The following TAFA2 variants were observed in gnomAD, a reference collection of about 807,000 sequenced individuals.
TAFA2 encodes the protein TAFA chemokine like family member 2, also known as chemokine-like protein TAFA-2.
TAFA2 carries 7 observed loss-of-function variants against 18.8 expected under a neutral mutation model. The observed-to-expected ratio is 0.37, with a 90% CI of 0.21 to 0.70. TAFA2 has a LOEUF of 0.70. Among genes scored for constraint, TAFA2 ranks in the 30% least tolerant of loss-of-function variants. TAFA2 has a pLI of 0.53. For missense variants in TAFA2, 122 were observed against 158.1 expected, an observed-to-expected ratio of 0.77 and a Z score of 1.23; for synonymous variants, 60 against 54.2, an observed-to-expected ratio of 1.11 and a Z score of -0.47.
chr12:61,898,369 C>T (rs1414082896), intron 1 of TAFA2, among the ~76,000 whole-genome samples: 1 of 152,250 alleles, frequency 6.6e-6, no homozygotes, highest in Non-Finnish European at 1.5e-5. Flanking sequence ...TCCAACCCCA[C>T]ATTTCCCTTC....
chr12:62,056,897 A>C (rs2136782361), intron 1 of TAFA2, among the ~76,000 whole-genome samples: 1 of 152,334 alleles, frequency 6.6e-6, no homozygotes, highest in South Asian at 2.1e-4. Context: ...CGTTAGGATA[A>C]AGTTAGCTAG....
intron 1 of TAFA2, chr12:62,136,046 T>C (rs960549881): frequency 6.6e-6 from 1 of 152,142 alleles, no homozygotes; most frequent in South Asian, 2.1e-4. Context: ...CTTAGATGGT[T>C]ATTTTGCATG....
Position 62,041,739 on chromosome 12 carries a change from A to ACAG in TAFA2, c.-2+149519_-2+149520insCTG, listed in dbSNP as rs751146211. Reference sequence around the variant, plus strand: ...ACATAAACCATAGGTACATTACAATATAGAATCTAAGTGCTTTTATTAACA... The same window carrying ACAG: ...ACATAAACCATAGGTACATTACAATACAGTAGAATCTAAGTGCTTTTATTAACA... On this transcript the variant is annotated intron_variant, in intron 1 of 4. Coordinates refer to ENST00000416284, the MANE Select transcript of TAFA2 (RefSeq NM_178539.5). Among the ~76,000 whole-genome samples the ACAG allele has an allele frequency of 6.2e-3, 940 of 152,256 alleles. 12 individuals carry two copies. Among genetic ancestry groups the ACAG allele is most frequent in the Non-Finnish European group, 7.8e-3 (532 of 68,006 alleles).
At chr12:62,231,629 T>A (rs1337502142) in intron 1 of TAFA2, among the ~76,000 whole-genome samples, 2 of 152,214 alleles carry the variant, frequency 1.3e-5, no homozygotes, top group African/African-American at 4.8e-5. Context: ...TTTGTTTTTT[T>A]TAACAAAATT....
At chr12:61,759,939 G>A (rs536863020) in intron 2 of TAFA2, among the ~76,000 whole-genome samples, 132 of 152,062 alleles carry the variant, frequency 8.7e-4, no homozygotes, top group Admixed American at 1.3e-3. Context: ...TGATCACAGG[G>A]CACAATGGAG....
chr12:61,736,389 A>G (rs1235708019), intron 4 of TAFA2, among the ~76,000 whole-genome samples: 3 of 152,040 alleles, frequency 2.0e-5, no homozygotes, highest in Non-Finnish European at 4.4e-5. Context: ...CACCTGATCT[A>G]TTACTAAAAC....
chr12:61,721,773 T>C (rs797005808), intron 4 of TAFA2, among the ~76,000 whole-genome samples: 2 of 152,178 alleles, frequency 1.3e-5, no homozygotes, highest in African/African-American at 4.8e-5. Flanking sequence ...CTGACCAACA[T>C]GGTGAAACCC....
chr12:61,885,035 T>C (rs1269544171), intron 1 of TAFA2, among the ~76,000 whole-genome samples: 1 of 151,690 alleles, frequency 6.6e-6, no homozygotes, highest in Non-Finnish European at 1.5e-5. Context: ...TAGAGTTTCT[T>C]ATTTTTACAA....
chr12:61,717,584 A>C (rs1227801247), intron 4 of TAFA2, among the ~76,000 whole-genome samples: 5 of 152,206 alleles, frequency 3.3e-5, no homozygotes. Flanking sequence ...AGGACCTTGA[A>C]CTATACTCAG....
chr12:61,879,866 G>T, intron 1 of TAFA2: 1 of 960,618 alleles, frequency 1.0e-6, no homozygotes. Flanking sequence ...GTACCATGAT[G>T]AGATCAATAA....
At chr12:62,142,470 C>T (rs2062246756) in intron 1 of TAFA2, among the ~76,000 whole-genome samples, 1 of 152,110 alleles carries the variant, frequency 6.6e-6, no homozygotes, top group African/African-American at 2.4e-5. Flanking sequence ...CAGATCATGG[C>T]ACTGTAATGT....
chr12:62,212,686 A>T (rs1052503028), intron 1 of TAFA2, among the ~76,000 whole-genome samples: 2 of 152,204 alleles, frequency 1.3e-5, no homozygotes, highest in South Asian at 2.1e-4. Context: ...TGCTCTGCCG[A>T]AAAAAGGTAC....
At chr12:62,174,086 G>A (rs1179083609) in intron 1 of TAFA2, among the ~76,000 whole-genome samples, 1 of 152,168 alleles carries the variant, frequency 6.6e-6, no homozygotes, top group African/African-American at 2.4e-5. Context: ...GAGGCCAGGA[G>A]TTCAAGACCA....
chr12:61,767,955 A>G (rs529293654), intron 2 of TAFA2, among the ~76,000 whole-genome samples: 1 of 152,260 alleles, frequency 6.6e-6, no homozygotes, highest in Admixed American at 6.5e-5. Context: ...TTATGATGTG[A>G]AACTCAAATT....
chr12:62,056,888 G>T (rs944272951), intron 1 of TAFA2, among the ~76,000 whole-genome samples: 5 of 152,192 alleles, frequency 3.3e-5, no homozygotes, highest in Admixed American at 2.0e-4. Flanking sequence ...CTAATCTGTC[G>T]TTAGGATAAA....
chr12:61,827,346 A>C lies in TAFA2; in HGVS notation c.106+39974T>G, dbSNP rs527379576. ...GAAGTATTACTTTGGATCTTAAGTC[A>C]TGTTGCTGAACTTATAGCCATGTGA... On this transcript the variant is annotated intron_variant, in intron 2 of 4. Transcript: ENST00000416284. 14 of 152,162 alleles carry C rather than the reference A, an allele frequency of 9.2e-5. No homozygotes were observed. The South Asian group carries it at 2.7e-3, about 29-fold the overall frequency. The allele number at this position is 152,162 out of a possible 1,614,324, so 9.4% of individuals were successfully genotyped here.
intron 2 of TAFA2, among the ~76,000 whole-genome samples, chr12:61,768,770 G>T (rs7980047): frequency 1.3e-5 from 2 of 151,914 alleles, no homozygotes; most frequent in African/African-American, 4.8e-5. Context: ...ACAAGGAGAA[G>T]GAAACTTCCA....
rs74098457 is a variant in TAFA2, at chr12:61,897,246, G to T, written c.-1-29820C>A. 7.8e-3 allele frequency among the ~76,000 whole-genome samples: 1,185 copies of T among 152,214 alleles called. 12 individuals are homozygous for T. The highest frequency in any genetic ancestry group is 0.028 in the African/African-American group (1,144 of 41,522). ...ATGATGCTGACTGTACATCCTTAAT[G>T]AATGTATTATTTCAATTTGTTTGGT... On this transcript the variant is annotated intron_variant, in intron 1 of 4. Transcript: ENST00000416284.
chr12:61,727,154 A>G (rs2120632045), intron 4 of TAFA2, among the ~76,000 whole-genome samples: 2 of 152,120 alleles, frequency 1.3e-5, no homozygotes, highest in East Asian at 3.9e-4. Flanking sequence ...GAATTTTTGC[A>G]TCTATGTTCA....
Sources: gnomAD v4.1 joint callset for allele counts (sites outside exome capture counted in the v4.1 genomes callset) on GRCh38, gnomAD v4.1.1 for gene constraint, MANE v1.5 for transcripts, NCBI Gene and HGNC (gene_info 2026-07-23, HGNC 2026-07-21) for gene names.